CTNND2: variants seen among roughly 807,000 people sequenced by gnomAD.
CTNND2 encodes the protein catenin delta 2, also known as catenin delta-2.
A neutral mutation model predicts 144.4 loss-of-function variants in CTNND2; 22 were observed. That is an observed-to-expected ratio of 0.15 (90% CI 0.11 to 0.22). The LOEUF (loss-of-function observed/expected upper bound fraction) is 0.22. CTNND2 is among the 10% of genes least tolerant of loss of function. The pLI, the probability that CTNND2 is intolerant of heterozygous loss-of-function variation, is 1.00. For synonymous variants in CTNND2, 751 were observed against 695.6 expected (o/e 1.08, Z -1.25); for missense variants, 1,353 against 1,618.8 (o/e 0.84, Z 2.82).
chr5:11,092,732 T>C (rs1341325862), intron 15 of CTNND2, among the ~76,000 whole-genome samples: 1 of 152,248 alleles, frequency 6.6e-6, no homozygotes, highest in Non-Finnish European at 1.5e-5. Context: ...TGTATTTTCA[T>C]CACAGTCTTT....
At chr5:11,430,996 C>A (rs964032319) in intron 3 of CTNND2, among the ~76,000 whole-genome samples, 6 of 152,084 alleles carry the variant, frequency 3.9e-5, no homozygotes, top group Non-Finnish European at 8.8e-5. Context: ...TAAAGGATAT[C>A]ATAAAGATTT....
At chr5:11,065,112 T>C (rs1747422409) in intron 16 of CTNND2, among the ~76,000 whole-genome samples, 1 of 152,224 alleles carries the variant, frequency 6.6e-6, no homozygotes, top group Admixed American at 6.5e-5. Flanking sequence ...GGGGTGGAGG[T>C]GGCCTTTGGA....
Position 11,439,797 on chromosome 5 carries a change from TATC to T in CTNND2, c.288-27731_288-27729del, listed in dbSNP as rs1188489373. ...CTATCTATCTATCTATCTATCTATC[TATC>T]TTATATATATGTGTGTATATATATG... On this transcript the variant is annotated intron_variant, in intron 3 of 21. Coordinates refer to ENST00000304623, the MANE Select transcript of CTNND2 (RefSeq NM_001332.4). 1.4e-3 allele frequency among the ~76,000 whole-genome samples: 197 copies of T among 137,570 alleles called. 7 individuals are homozygous for T. The South Asian group carries it at 0.049, about 34-fold the overall frequency. The allele number at this position is 137,570 out of a possible 152,430, so 90.3% of individuals were successfully genotyped here.
chr5:11,252,425 A>G (rs1743761663), intron 9 of CTNND2, among the ~76,000 whole-genome samples: 1 of 152,214 alleles, frequency 6.6e-6, no homozygotes, highest in South Asian at 2.1e-4. Flanking sequence ...AGATTCAATA[A>G]TCAGAGAGAT....
At chr5:11,650,786 T>C (rs1404253412) in intron 2 of CTNND2, among the ~76,000 whole-genome samples, 6 of 152,176 alleles carry the variant, frequency 3.9e-5, no homozygotes, top group African/African-American at 4.8e-5. Flanking sequence ...AGGTATCTGG[T>C]GGAAGAAATT....
chr5:11,015,021 C>A (rs1366188107), intron 18 of CTNND2, among the ~76,000 whole-genome samples: 1 of 152,198 alleles, frequency 6.6e-6, no homozygotes, highest in African/African-American at 2.4e-5. Flanking sequence ...TTTCATATTT[C>A]ATCTTTACCC....
At chr5:11,073,611 C>A (rs1251308016) in intron 16 of CTNND2, among the ~76,000 whole-genome samples, 2 of 152,170 alleles carry the variant, frequency 1.3e-5, no homozygotes, top group East Asian at 3.8e-4. Context: ...GAATTCTTAT[C>A]TTCCCGACCC....
chr5:10,988,307 C>T lies in CTNND2; in HGVS notation c.3212-65G>A. 6.3e-7 allele frequency: 1 copy of T among 1,594,430 alleles called. No homozygotes were observed. The highest frequency in any genetic ancestry group is 8.6e-7 in the Non-Finnish European group (1 of 1,165,594). On this transcript the variant is annotated intron_variant, in intron 19 of 21. Transcript: ENST00000304623. This position sits in a 1 kb window ranked among gnomAD's most constrained non-coding sequence, Gnocchi z 5.9. ...TCCCACAGCGTGTGTGCCTTCCACA[C>T]AGTCAGGGTCCTCACTATGCATGGT...
chr5:11,805,781 T>C lies in CTNND2; in HGVS notation c.38-73509A>G, dbSNP rs1056506585. Among the ~76,000 whole-genome samples the C allele has an allele frequency of 2.0e-5, 3 of 152,080 alleles. No homozygotes were observed. The East Asian group carries it at 5.8e-4, about 29-fold the overall frequency. On this transcript the variant is annotated intron_variant, in intron 1 of 21. Coordinates refer to ENST00000304623, the MANE Select transcript of CTNND2 (RefSeq NM_001332.4). Reference sequence around the variant, plus strand: ...ACATAGAACATAGATCCACCAGCCTTAAAAAGTAGAGTATATTACTCCATA... The same window carrying C: ...ACATAGAACATAGATCCACCAGCCTCAAAAAGTAGAGTATATTACTCCATA...
At chr5:11,795,999 A>T (rs990412681) in intron 1 of CTNND2, among the ~76,000 whole-genome samples, 1 of 152,174 alleles carries the variant, frequency 6.6e-6, no homozygotes, top group African/African-American at 2.4e-5. Context: ...GGCCACCTGT[A>T]TTCCTTGGCT....
intron 2 of CTNND2, among the ~76,000 whole-genome samples, chr5:11,587,160 G>A (rs1778927786): frequency 1.3e-5 from 2 of 152,066 alleles, no homozygotes; most frequent in Non-Finnish European, 2.9e-5. Context: ...CTATATTCCT[G>A]ATGTGAGACT....
At position 11,279,367 on chromosome 5, in the gene CTNND2, T is replaced by C. The variant is rs904450843; in HGVS notation, c.1629-42544A>G. 2.6e-4 allele frequency among the ~76,000 whole-genome samples: 40 copies of C among 152,178 alleles called. 1 individual carries two copies. Among genetic ancestry groups the C allele is most frequent in the African/African-American group, 9.7e-4 (40 of 41,436 alleles). ...GCCTATATTCAACCCATCAACACTT[T>C]CTGTCATCTTTACCTTGAAAATATG... On this transcript the variant is annotated intron_variant, in intron 9 of 21. Coordinates refer to ENST00000304623, the MANE Select transcript of CTNND2 (RefSeq NM_001332.4).
At chr5:11,253,649 C>CAT (rs1319974934) in intron 9 of CTNND2, among the ~76,000 whole-genome samples, 1 of 152,150 alleles carries the variant, frequency 6.6e-6, no homozygotes, top group Non-Finnish European at 1.5e-5. Flanking sequence ...TCTTTATCAG[C>CAT]AGTGTGAAAA....
At chr5:11,065,724 G>C (rs1356017469) in intron 16 of CTNND2, among the ~76,000 whole-genome samples, 1 of 152,072 alleles carries the variant, frequency 6.6e-6, no homozygotes, top group Non-Finnish European at 1.5e-5. Flanking sequence ...TATATATCGT[G>C]ATTTACTTTC....
intron 2 of CTNND2, among the ~76,000 whole-genome samples, chr5:11,731,336 C>T (rs192014272): frequency 2.0e-5 from 3 of 152,332 alleles, no homozygotes; most frequent in African/African-American, 7.2e-5. Flanking sequence ...TAATTGCTCC[C>T]ATTTTAGGCT....
chr5:11,547,330 A>T (rs1346598511), intron 3 of CTNND2, among the ~76,000 whole-genome samples: 1 of 151,540 alleles, frequency 6.6e-6, no homozygotes, highest in Non-Finnish European at 1.5e-5. Context: ...TAAAGTAAAA[A>T]GATATAGCTT....
chr5:11,411,408 A>G, intron 5 of CTNND2, 128 bp downstream of exon 5: 1 of 644,544 alleles, frequency 1.6e-6, no homozygotes, highest in South Asian at 2.0e-5. Context: ...AGTGAAATGG[A>G]TAAAACAAGT....
At chr5:11,172,331 T>A (rs954859870) in intron 11 of CTNND2, among the ~76,000 whole-genome samples, 1 of 152,210 alleles carries the variant, frequency 6.6e-6, no homozygotes, top group South Asian at 2.1e-4. Context: ...GTTATGACTA[T>A]GGGAAAGTGA....
At chr5:11,507,104 G>A (rs1771126225) in intron 3 of CTNND2, among the ~76,000 whole-genome samples, 1 of 152,142 alleles carries the variant, frequency 6.6e-6, no homozygotes, top group Admixed American at 6.5e-5. Flanking sequence ...CACTGTAATA[G>A]GCTCGTACCT....
Sources: allele counts gnomAD v4.1 joint callset (sites outside exome capture counted in the v4.1 genomes callset), GRCh38; gene constraint gnomAD v4.1.1; non-coding constraint Gnocchi (gnomAD v3.1); transcripts MANE v1.5; gene names NCBI Gene and HGNC (gene_info 2026-07-23, HGNC 2026-07-21).